Variants in CIB4 observed in about 807,000 individuals in gnomAD.
CIB4 encodes calcium and integrin binding family member 4.
In CIB4, 25 loss-of-function variants were observed where a neutral mutation model predicts 25.8. That is an observed-to-expected ratio of 0.97 (90% CI 0.71 to 1.35). The LOEUF (loss-of-function observed/expected upper bound fraction) is 1.35. Ranked by LOEUF, CIB4 falls within the 40% of genes most tolerant of loss-of-function variation. The pLI, the probability that CIB4 is intolerant of heterozygous loss-of-function variation, is 0.00. For missense variants in CIB4, 235 were observed against 228.2 expected (o/e 1.03, Z -0.19); for synonymous variants, 75 against 81.4 (o/e 0.92, Z 0.42).
chr2:26,617,792 G>A (rs1251296179), intron 3 of CIB4, among the ~76,000 whole-genome samples: 1 of 152,212 alleles, frequency 6.6e-6, no homozygotes, highest in Non-Finnish European at 1.5e-5. Flanking sequence ...CTCTGGCTGA[G>A]TGTAGCGTTC....
chr2:26,590,924 A>G (rs1668575947), intron 4 of CIB4, among the ~76,000 whole-genome samples: 1 of 152,180 alleles, frequency 6.6e-6, no homozygotes, highest in African/African-American at 2.4e-5. Context: ...CTAGTCCTTG[A>G]TCTACCCTGA....
At chr2:26,598,066 G>A (rs565608637) in intron 3 of CIB4, among the ~76,000 whole-genome samples, 5 of 152,146 alleles carry the variant, frequency 3.3e-5, no homozygotes, top group South Asian at 4.2e-4. Context: ...TTGGCAGGCC[G>A]AGACTGACGG....
chr2:26,589,086 CTT>C, intron 4 of CIB4, among the ~76,000 whole-genome samples: 3 of 104,658 alleles, frequency 2.9e-5, no homozygotes, highest in African/African-American at 1.3e-4. Flanking sequence ...TCTTCTTCTT[CTT>C]CTTCTTCTTC....
At chr2:26,595,464 C>G in intron 3 of CIB4, 147 bp from the exon 4 acceptor site, 1 of 904,180 alleles carries the variant, frequency 1.1e-6, no homozygotes, top group Non-Finnish European at 1.6e-6. Context: ...GATGGTGGCT[C>G]ACTGAGCCAG....
At chr2:26,597,963 A>T (rs1668711001) in intron 3 of CIB4, among the ~76,000 whole-genome samples, 1 of 151,952 alleles carries the variant, frequency 6.6e-6, no homozygotes. Context: ...TAAAATATAG[A>T]AAACCTTGGA....
At chr2:26,613,017 A>G (rs1669025572) in intron 3 of CIB4, among the ~76,000 whole-genome samples, 1 of 152,200 alleles carries the variant, frequency 6.6e-6, no homozygotes, top group African/African-American at 2.4e-5. Context: ...GGCCTTGGGC[A>G]GAAAGAGAGA....
rs141660203 is a variant in CIB4, at chr2:26,641,283, C to T, written c.32G>A (p.Trp11Ter). 1 of 1,613,756 alleles carries T rather than the reference C, an allele frequency of 6.2e-7. No homozygotes were observed. Among genetic ancestry groups the T allele is most frequent in the Non-Finnish European group, 8.5e-7 (1 of 1,179,820 alleles). MGQCLRYQMHWEDLEEYQALT... is the reference protein window; with the variant it reads MGQCLRYQMH ...CACCTGGTACTCTTCCAGGTCCTCC[C>T]AGTGCATCTGATACCTCAAGCATTG... Residue 11 changes from tryptophan to a stop codon, truncating the protein, a stop_gained, in exon 1 of 7, where the codon TGG becomes TAG. Coordinates refer to ENST00000288861, the MANE Select transcript of CIB4 (RefSeq NM_001029881.3). LOFTEE classifies it high-confidence loss of function.
At chr2:26,593,338 G>A (rs982115163) in intron 4 of CIB4, among the ~76,000 whole-genome samples, 6 of 150,286 alleles carry the variant, frequency 4.0e-5, no homozygotes, top group Middle Eastern at 3.5e-3. Context: ...GTGTGTGTGT[G>A]TATATATACA....
chr2:26,632,169 G>T (rs1031110152), intron 2 of CIB4, among the ~76,000 whole-genome samples: 5 of 152,236 alleles, frequency 3.3e-5, no homozygotes, highest in African/African-American at 1.2e-4. Context: ...CTGATGGAGA[G>T]CCAGCCTCCT....
At chr2:26,589,982 G>A (rs1037129858) in intron 4 of CIB4, among the ~76,000 whole-genome samples, 2 of 152,166 alleles carry the variant, frequency 1.3e-5, no homozygotes, top group Non-Finnish European at 2.9e-5. Flanking sequence ...TGGCAGAACA[G>A]GAAGCTTGAA....
intron 3 of CIB4, among the ~76,000 whole-genome samples, chr2:26,615,935 G>A (rs1669083313): frequency 6.6e-6 from 1 of 152,258 alleles, no homozygotes; most frequent in South Asian, 2.1e-4. Context: ...TGCAGGGTGT[G>A]AGCCAGCTGC....
At chr2:26,593,037 A>G (rs1206431232) in intron 4 of CIB4, among the ~76,000 whole-genome samples, 1 of 152,178 alleles carries the variant, frequency 6.6e-6, no homozygotes, top group Admixed American at 6.5e-5. Flanking sequence ...TGTCCTCACC[A>G]ATTAGACATT....
At chr2:26,602,596 G>C (rs959496008) in intron 3 of CIB4, among the ~76,000 whole-genome samples, 2 of 152,166 alleles carry the variant, frequency 1.3e-5, no homozygotes, top group Admixed American at 6.5e-5. Context: ...AATAAATATT[G>C]ATGTGTAGTA....
At chr2:26,613,445 C>A (rs904770065) in intron 3 of CIB4, among the ~76,000 whole-genome samples, 1 of 152,188 alleles carries the variant, frequency 6.6e-6, no homozygotes, top group Admixed American at 6.5e-5. Flanking sequence ...CATAAAGACT[C>A]CCCAGGTGGT....
chr2:26,589,654 T>C (rs1414595343), intron 4 of CIB4, among the ~76,000 whole-genome samples: 1 of 152,222 alleles, frequency 6.6e-6, no homozygotes, highest in East Asian at 1.9e-4. Context: ...GCCATTCTCC[T>C]GTCTTTCTTA....
At chr2:26,635,301 TC>T (rs1669511399) in intron 2 of CIB4, among the ~76,000 whole-genome samples, 1 of 151,876 alleles carries the variant, frequency 6.6e-6, no homozygotes, top group Non-Finnish European at 1.5e-5. Flanking sequence ...ACATGAGGTC[TC>T]CCCCCACCAG....
At chr2:26,615,735 G>A (rs999519484) in intron 3 of CIB4, among the ~76,000 whole-genome samples, 2 of 152,256 alleles carry the variant, frequency 1.3e-5, no homozygotes, top group African/African-American at 4.8e-5. Flanking sequence ...CCGAGGCAGG[G>A]GGCCAGAGCC....
intron 3 of CIB4, chr2:26,605,418 A>G (rs1668869871): frequency 4.4e-6 from 2 of 457,542 alleles, no homozygotes; most frequent in Non-Finnish European, 9.1e-6. Context: ...GCTACCTGCA[A>G]GTGGCTGCCC....
At chr2:26,589,862 A>AC (rs755561569) in intron 4 of CIB4, among the ~76,000 whole-genome samples, 2 of 152,162 alleles carry the variant, frequency 1.3e-5, no homozygotes, top group Non-Finnish European at 2.9e-5. Context: ...CTTTGGACGT[A>AC]CTTTTGTCCT....
Sources: allele counts gnomAD v4.1 joint callset (sites outside exome capture counted in the v4.1 genomes callset), GRCh38; gene constraint gnomAD v4.1.1; transcripts MANE v1.5; gene names NCBI Gene and HGNC (gene_info 2026-07-23, HGNC 2026-07-21).